SYNJ1: variants seen among roughly 807,000 people sequenced by gnomAD.
SYNJ1 encodes polyphosphatidylinositol phosphatase SYNJ1.
In SYNJ1, 78 loss-of-function variants were observed where a neutral mutation model predicts 168.2. That is an observed-to-expected ratio of 0.46 (90% CI 0.39 to 0.56). The LOEUF (loss-of-function observed/expected upper bound fraction) is 0.56, where lower values mean the gene tolerates loss of function less well. Ranked by LOEUF, SYNJ1 falls within the 20% of genes least tolerant of loss-of-function variation. The pLI, the probability that SYNJ1 is intolerant of heterozygous loss-of-function variation, is 0.00. For synonymous variants in SYNJ1, 539 were observed against 548.6 expected (o/e 0.98, Z 0.24); for missense variants, 1,303 against 1,597.6 (o/e 0.82, Z 3.14).
intron 31 of SYNJ1, 23 bp downstream of exon 31, chr21:32,638,885 T>C (rs2145718931): frequency 6.4e-7 from 1 of 1,571,190 alleles, no homozygotes; most frequent in Non-Finnish European, 8.7e-7. Flanking sequence ...AAGATAATAT[T>C]TTGTGTAACA....
intron 11 of SYNJ1, among the ~76,000 whole-genome samples, chr21:32,680,229 T>C (rs1287472210): frequency 6.6e-6 from 1 of 152,116 alleles, no homozygotes; most frequent in Admixed American, 6.5e-5. Flanking sequence ...GGCCAATACC[T>C]CTGGGCAGAG....
intron 18 of SYNJ1, among the ~76,000 whole-genome samples, chr21:32,663,110 A>G (rs543452443): frequency 2.0e-4 from 30 of 152,310 alleles, no homozygotes; most frequent in Non-Finnish European, 4.1e-4. Context: ...GTTGCTTCAC[A>G]TTATGTATGT....
intron 12 of SYNJ1, 71 bp from the exon 13 acceptor site, chr21:32,676,426 G>C: frequency 1.4e-6 from 2 of 1,464,780 alleles, no homozygotes; most frequent in Non-Finnish European, 1.9e-6. Context: ...GTTGAGTATA[G>C]TGACAAAACA....
chr21:32,640,558 G>A (rs2039789893), intron 29 of SYNJ1, among the ~76,000 whole-genome samples: 1 of 152,140 alleles, frequency 6.6e-6, no homozygotes, highest in Non-Finnish European at 1.5e-5. Flanking sequence ...GCCTCCCAAA[G>A]TGCTGGGACC....
At chr21:32,728,153 GC>G, upstream of SYNJ1, 1 of 1,303,134 alleles carries the variant, frequency 7.7e-7, no homozygotes, top group Non-Finnish European at 1.0e-6. Context: ...CCCGCGGGCG[GC>G]CCCAGCCTCA....
At chr21:32,646,733 A>G in intron 23 of SYNJ1, 131 bp from the exon 24 acceptor site, 1 of 666,490 alleles carries the variant, frequency 1.5e-6, no homozygotes, top group Non-Finnish European at 2.6e-6. Flanking sequence ...ACACACATGG[A>G]TTAAGCATGA....
chr21:32,715,233 G>A (rs1446516204), intron 2 of SYNJ1, among the ~76,000 whole-genome samples: 1 of 152,196 alleles, frequency 6.6e-6, no homozygotes, highest in South Asian at 2.1e-4. Flanking sequence ...AGCATTTTGG[G>A]GAGCTGAGGC....
chr21:32,700,204 T>C lies in SYNJ1; in HGVS notation c.212-99A>G. ...TATTTTTTAAATCTGACATTGTGAT[T>C]ATTTTAAACTTATCATGGATGTGTT... is the stretch of plus-strand genomic sequence containing the variant. On this transcript the variant is annotated intron_variant, in intron 3 of 32. Transcript: ENST00000674351. 5 of 1,355,624 alleles carry C rather than the reference T, an allele frequency of 3.7e-6. No homozygotes were observed. In the South Asian group the frequency reaches 7.3e-5, roughly 20 times the overall value. The allele number at this position is 1,355,624 out of a possible 1,614,324, so 84.0% of individuals were successfully genotyped here.
chr21:32,668,150 C>T (rs549130407), intron 15 of SYNJ1, among the ~76,000 whole-genome samples: 1 of 151,936 alleles, frequency 6.6e-6, no homozygotes, highest in Admixed American at 6.6e-5. Flanking sequence ...CTGCAACCTC[C>T]GTCTCCCAGG....
chr21:32,673,227 G>T, intron 14 of SYNJ1, 113 bp downstream of exon 14: 1 of 890,684 alleles, frequency 1.1e-6, no homozygotes, highest in Non-Finnish European at 1.6e-6. Context: ...CAAATGTATA[G>T]CTCCAAGTTT....
At chr21:32,642,230 A>G (rs749504861) in intron 27 of SYNJ1, 97 bp from the exon 28 acceptor site, 80 of 1,354,530 alleles carry the variant, frequency 5.9e-5, no homozygotes, top group Non-Finnish European at 8.2e-5. Flanking sequence ...TACCAGCAGA[A>G]ATGGGGGCAT....
chr21:32,664,847 G>T, intron 18 of SYNJ1, 66 bp downstream of exon 18: 1 of 1,399,650 alleles, frequency 7.1e-7, no homozygotes. Context: ...AAAACATCTT[G>T]ATTTAAAAAG....
At chr21:32,641,761 G>A (rs1213749782) in intron 29 of SYNJ1, 135 bp downstream of exon 29, 2 of 589,850 alleles carry the variant, frequency 3.4e-6, no homozygotes, top group African/African-American at 3.7e-5. Flanking sequence ...ATCATCAAGT[G>A]CAATTCCCTC....
At chr21:32,667,673 G>A (rs844997) in intron 15 of SYNJ1, among the ~76,000 whole-genome samples, 12,664 of 151,918 alleles carry the variant, frequency 0.083, 695 homozygotes, top group South Asian at 0.16. Flanking sequence ...GAGCTCAAGC[G>A]ATCCTCCCAC....
chr21:32,639,227 C>T, intron 30 of SYNJ1, 102 bp from the exon 31 acceptor site: 1 of 1,065,738 alleles, frequency 9.4e-7, no homozygotes, highest in Non-Finnish European at 1.3e-6. Context: ...TATTTCTTCC[C>T]CCAATAAGTA....
At chr21:32,643,717 G>A (rs959205468) in intron 26 of SYNJ1, among the ~76,000 whole-genome samples, 12 of 152,026 alleles carry the variant, frequency 7.9e-5, no homozygotes, top group Non-Finnish European at 1.3e-4. Context: ...CTACCAGTAG[G>A]GAATTTAAAA....
intron 8 of SYNJ1, 42 bp downstream of exon 8, chr21:32,686,936 G>T: frequency 8.1e-7 from 1 of 1,227,122 alleles, no homozygotes; most frequent in Non-Finnish European, 1.1e-6. Flanking sequence ...ACCATTCTAG[G>T]TGTCCATGGG....
In SYNJ1 at chr21:32,631,070, G is replaced by A; in HGVS notation, c.*735C>T. On this transcript the variant is annotated 3_prime_UTR_variant, in exon 33 of 33. Transcript: ENST00000674351. ...TGAAAGGATCTACTGGAGGGCTGGT[G>A]CCGGGCGGGAGCAGAGGGACAGGAG... 1.2e-6 allele frequency: 2 copies of A among 1,614,234 alleles called. No individual in the cohort carries two copies. Among genetic ancestry groups the A allele is most frequent in the Non-Finnish European group, 1.7e-6 (2 of 1,180,046 alleles).
chr21:32,637,244 T>A (rs550140044), intron 31 of SYNJ1, among the ~76,000 whole-genome samples: 2 of 151,986 alleles, frequency 1.3e-5, no homozygotes, highest in Non-Finnish European at 2.9e-5. Flanking sequence ...GTTGAAAAAG[T>A]TTTTTGCCCT....
Sources: gnomAD v4.1 joint callset for allele counts (sites outside exome capture counted in the v4.1 genomes callset) on GRCh38, gnomAD v4.1.1 for gene constraint, MANE v1.5 for transcripts, NCBI Gene and HGNC (gene_info 2026-07-23, HGNC 2026-07-21) for gene names.